Variants in LDB2 observed in about 807,000 individuals in gnomAD.
LDB2 encodes the protein LIM domain binding 2, also known as LIM domain-binding protein 2.
A neutral mutation model predicts 44.3 loss-of-function variants in LDB2; 12 were observed. That is an observed-to-expected ratio of 0.27 (90% confidence interval 0.17 to 0.44). The LOEUF is 0.44. Among genes scored for constraint, LDB2 ranks in the 20% least tolerant of loss-of-function variants. LDB2 has a pLI of 1.00. For missense variants in LDB2, 344 were observed against 473.5 expected (o/e 0.73, Z 2.54); for synonymous variants, 164 against 174.8 (o/e 0.94, Z 0.49).
At chr4:16,614,117 A>G (rs1726458084) in intron 2 of LDB2, among the ~76,000 whole-genome samples, 2 of 152,174 alleles carry the variant, frequency 1.3e-5, no homozygotes, top group Non-Finnish European at 2.9e-5. Context: ...AACACCACAC[A>G]TATACAATCA....
chr4:16,648,699 C>G (rs1021806813), intron 2 of LDB2, among the ~76,000 whole-genome samples: 3 of 149,374 alleles, frequency 2.0e-5, no homozygotes, highest in Non-Finnish European at 4.4e-5. Flanking sequence ...TGCAAAAAGA[C>G]TCTATTTAAT....
intron 2 of LDB2, among the ~76,000 whole-genome samples, chr4:16,713,537 A>AATTATGTGCCAGATGCT (rs1175628156): frequency 6.6e-6 from 1 of 152,184 alleles, no homozygotes; most frequent in East Asian, 1.9e-4. Flanking sequence ...ACTGAGTAAC[A>AATTATGTGCCAGATGCT]ATTATGTGCC....
chr4:16,529,392 G>T (rs1352064270), intron 5 of LDB2, among the ~76,000 whole-genome samples: 2 of 152,130 alleles, frequency 1.3e-5, no homozygotes, highest in Admixed American at 1.3e-4. Context: ...AATGAATGAG[G>T]CAAACCACTG....
At chr4:16,898,036 C>G (rs553369957) in intron 1 of LDB2, among the ~76,000 whole-genome samples, 68 of 148,446 alleles carry the variant, frequency 4.6e-4, no homozygotes, top group Non-Finnish European at 8.5e-4. Flanking sequence ...GGAATTATAT[C>G]TCAAGAAACA....
chr4:16,503,896 T>C (rs3792678), intron 7 of LDB2, among the ~76,000 whole-genome samples: 35,154 of 152,052 alleles, frequency 0.23, 4,230 homozygotes, highest in Middle Eastern at 0.29. Flanking sequence ...GAAGAATGCA[T>C]ACACAGGGCA....
chr4:16,654,731 T>G (rs1418463133), intron 2 of LDB2, among the ~76,000 whole-genome samples: 1 of 152,220 alleles, frequency 6.6e-6, no homozygotes, highest in Admixed American at 6.5e-5. Flanking sequence ...TTTTTCCCTA[T>G]AAGAAACCCT....
At chr4:16,688,844 G>A (rs1368338668) in intron 2 of LDB2, among the ~76,000 whole-genome samples, 2 of 152,272 alleles carry the variant, frequency 1.3e-5, no homozygotes, top group South Asian at 2.1e-4. Context: ...CTCCTAATAT[G>A]TATGTTATTT....
At chr4:16,744,212 A>G (rs895375762) in intron 2 of LDB2, among the ~76,000 whole-genome samples, 6 of 152,228 alleles carry the variant, frequency 3.9e-5, no homozygotes, top group Admixed American at 2.6e-4. Flanking sequence ...GCTGGAGTGC[A>G]GTGGCTGGAT....
chr4:16,505,804 A>G, intron 7 of LDB2: 1 of 1,505,612 alleles, frequency 6.6e-7, no homozygotes, highest in Non-Finnish European at 8.9e-7. Context: ...CCCATTTCAC[A>G]TCTTCTCACT....
chr4:16,800,543 G>A (rs1777594559), intron 1 of LDB2, among the ~76,000 whole-genome samples: 1 of 151,700 alleles, frequency 6.6e-6, no homozygotes, highest in African/African-American at 2.4e-5. Flanking sequence ...TTGACAGTTT[G>A]TCATTTTTCT....
chr4:16,819,094 G>C (rs1579958869), intron 1 of LDB2, among the ~76,000 whole-genome samples: 1 of 2,028 alleles, frequency 4.9e-4, no homozygotes, highest in South Asian at 0.042. Context: ...GTGGTTGCTT[G>C]TGTGTGTGTG....
intron 2 of LDB2, among the ~76,000 whole-genome samples, chr4:16,617,966 T>A (rs1367052010): frequency 2.0e-5 from 3 of 152,196 alleles, no homozygotes; most frequent in African/African-American, 7.2e-5. Flanking sequence ...TCTTTCTGAC[T>A]GCTCTTCTGT....
intron 2 of LDB2, among the ~76,000 whole-genome samples, chr4:16,623,692 G>T (rs1317024537): frequency 6.6e-6 from 1 of 152,006 alleles, no homozygotes; most frequent in Non-Finnish European, 1.5e-5. Context: ...AGTCAATATG[G>T]TCACATTGAT....
intron 1 of LDB2, among the ~76,000 whole-genome samples, chr4:16,874,580 G>A (rs1177301961): frequency 6.6e-6 from 1 of 152,210 alleles, no homozygotes; most frequent in African/African-American, 2.4e-5. Flanking sequence ...GTAAGAGTCA[G>A]GGAGAGTGCG....
At chr4:16,724,616 C>A (rs1759034403) in intron 2 of LDB2, among the ~76,000 whole-genome samples, 3 of 152,068 alleles carry the variant, frequency 2.0e-5, no homozygotes. Flanking sequence ...GTGAGATTCT[C>A]CTTCCAGAAC....
Position 16,679,125 on chromosome 4 carries a change from A to C in LDB2, c.235+80033T>G, listed in dbSNP as rs535261735. Among the ~76,000 whole-genome samples the C allele has an allele frequency of 3.9e-5, 6 of 152,368 alleles. No homozygotes were observed. The South Asian group carries it at 1.2e-3, about 32-fold the overall frequency. ...CTAGTAATATAAACGGTGCAAATGT[A>C]ATCTTTTTAGTCTTCAGTTTTCATC... On this transcript the variant is annotated intron_variant, in intron 2 of 7. Transcript: ENST00000304523.
chr4:16,685,858 A>G (rs971490660), intron 2 of LDB2, among the ~76,000 whole-genome samples: 13 of 152,056 alleles, frequency 8.5e-5, no homozygotes, highest in Non-Finnish European at 1.2e-4. Context: ...CAACCAGCCT[A>G]GCCAACACAG....
intron 2 of LDB2, among the ~76,000 whole-genome samples, chr4:16,695,034 CGTTA>C (rs1472304871): frequency 6.6e-6 from 1 of 152,084 alleles, no homozygotes; most frequent in East Asian, 1.9e-4. Flanking sequence ...CCTATTGTTT[CGTTA>C]GTTAGTTTTG....
chr4:16,592,951 T>C (rs916958474), intron 3 of LDB2, among the ~76,000 whole-genome samples: 2 of 152,148 alleles, frequency 1.3e-5, no homozygotes, highest in African/African-American at 2.4e-5. Flanking sequence ...TTAAACCTTG[T>C]TTTCTATTTG....
Sources: gnomAD v4.1 joint callset for allele counts (sites outside exome capture counted in the v4.1 genomes callset) on GRCh38, gnomAD v4.1.1 for gene constraint, MANE v1.5 for transcripts, NCBI Gene and HGNC (gene_info 2026-07-23, HGNC 2026-07-21) for gene names.